The following ACTR3C variants were observed in gnomAD, a reference collection of about 807,000 sequenced individuals.
ACTR3C encodes actin related protein 3C, also known as actin-related protein 3C.
Under a neutral mutation model 26.3 loss-of-function variants are expected in ACTR3C, and 18 were observed. The observed-to-expected ratio is 0.68, with a 90% CI of 0.47 to 1.01. The LOEUF is 1.01. Ranked by LOEUF, ACTR3C falls within the 50% of genes least tolerant of loss-of-function variation. The pLI is 0.00. For missense variants in ACTR3C, 184 were observed against 250.7 expected (o/e 0.73, Z 1.80); for synonymous variants, 55 against 94.5 (o/e 0.58, Z 2.42).
the ACTR3C span, among the ~76,000 whole-genome samples, chr7:150,131,560 G>A: frequency 1.3e-5 from 2 of 152,148 alleles, no homozygotes; most frequent in East Asian, 3.9e-4. Context: ...CTGAATCTTA[G>A]CCAGGACAGG....
the ACTR3C span, among the ~76,000 whole-genome samples, chr7:149,964,221 T>G: frequency 2.0e-5 from 3 of 152,160 alleles, no homozygotes; most frequent in African/African-American, 7.2e-5. Flanking sequence ...AGCCAGATAG[T>G]CAGGGCCACC....
intron 1 of ACTR3C, among the ~76,000 whole-genome samples, chr7:150,297,669 T>C (rs150531511): frequency 6.6e-6 from 1 of 152,316 alleles, no homozygotes; most frequent in Non-Finnish European, 1.5e-5. Flanking sequence ...CTGGCCAACA[T>C]GGGGAAACCC....
At chr7:149,979,181 T>C in the ACTR3C span, among the ~76,000 whole-genome samples, 1 of 152,254 alleles carries the variant, frequency 6.6e-6, no homozygotes, top group Non-Finnish European at 1.5e-5. Flanking sequence ...GAATCTCTTC[T>C]AAGCTCAGGA....
At chr7:150,214,371 A>G in the ACTR3C span, among the ~76,000 whole-genome samples, 2 of 152,178 alleles carry the variant, frequency 1.3e-5, no homozygotes, top group African/African-American at 4.8e-5. Context: ...ATCCAAGCAG[A>G]AAATAGAAAT....
chr7:150,255,458 A>T (rs1249658193), intron 6 of ACTR3C, among the ~76,000 whole-genome samples: 1 of 152,084 alleles, frequency 6.6e-6, no homozygotes, highest in Non-Finnish European at 1.5e-5. Context: ...TGCTGTGTAT[A>T]CCTGGACTCA....
At chr7:150,297,120 C>T (rs1280130688) in intron 1 of ACTR3C, among the ~76,000 whole-genome samples, 12 of 149,912 alleles carry the variant, frequency 8.0e-5, no homozygotes, top group Non-Finnish European at 1.8e-4. Flanking sequence ...GCCTTCAACA[C>T]GGCTACATTT....
At chr7:150,208,834 T>A in the ACTR3C span, among the ~76,000 whole-genome samples, 8 of 152,282 alleles carry the variant, frequency 5.3e-5, no homozygotes, top group Middle Eastern at 3.4e-3. Flanking sequence ...CAATTGAAAT[T>A]GACCCAGAGC....
chr7:150,171,317 C>G, the ACTR3C span, among the ~76,000 whole-genome samples: 7 of 149,704 alleles, frequency 4.7e-5, no homozygotes, highest in Non-Finnish European at 1.0e-4. Flanking sequence ...ACAGCAAGAT[C>G]GCTGGAATAT....
At chr7:150,098,326 G>C in the ACTR3C span, among the ~76,000 whole-genome samples, 1 of 151,712 alleles carries the variant, frequency 6.6e-6, no homozygotes, top group South Asian at 2.1e-4. Context: ...GAGATATGTG[G>C]GATCAGGCCT....
chr7:149,889,532 T>G, the ACTR3C span, among the ~76,000 whole-genome samples: 1 of 152,168 alleles, frequency 6.6e-6, no homozygotes, highest in Non-Finnish European at 1.5e-5. Context: ...GTGAAAAATA[T>G]ACTTAGCCCC....
At chr7:150,096,653 A>C in the ACTR3C span, among the ~76,000 whole-genome samples, 1,664 of 151,922 alleles carry the variant, frequency 0.011, 43 homozygotes, top group African/African-American at 0.039. Context: ...GCTTAAGAGT[A>C]ATCTAAGCAT....
chr7:150,033,925 T>TC, the ACTR3C span, among the ~76,000 whole-genome samples: 41 of 116,186 alleles, frequency 3.5e-4, no homozygotes, highest in East Asian at 4.2e-3. Flanking sequence ...GAGGGGTGCC[T>TC]CCCCCCCTGC....
the ACTR3C span, among the ~76,000 whole-genome samples, chr7:150,132,684 T>C: frequency 6.6e-6 from 1 of 152,216 alleles, no homozygotes; most frequent in Non-Finnish European, 1.5e-5. Flanking sequence ...TCCCAGCCAC[T>C]GTGAAGAGCA....
the ACTR3C span, among the ~76,000 whole-genome samples, chr7:150,054,022 C>G: frequency 6.6e-6 from 1 of 152,332 alleles, no homozygotes; most frequent in East Asian, 1.9e-4. Flanking sequence ...ATCTCTTCTT[C>G]CAACAACACA....
At chr7:150,306,253 A>G (rs1395752085) in intron 1 of ACTR3C, among the ~76,000 whole-genome samples, 1 of 151,916 alleles carries the variant, frequency 6.6e-6, no homozygotes, top group Admixed American at 6.6e-5. Flanking sequence ...GCTAAATCAG[A>G]AGAGTCCCCT....
At chr7:150,107,703 G>A in the ACTR3C span, among the ~76,000 whole-genome samples, 1 of 151,564 alleles carries the variant, frequency 6.6e-6, no homozygotes, top group Non-Finnish European at 1.5e-5. Context: ...GGAAGGAGGA[G>A]GTAGGGGGAG....
chr7:150,227,688 G>GTTTTTTTTTTTTT, the ACTR3C span, among the ~76,000 whole-genome samples: 21 of 111,372 alleles, frequency 1.9e-4, 1 homozygote, highest in African/African-American at 7.3e-4. Context: ...TTGTGTCTGG[G>GTTTTTTTTTTTTT]TTTTTTTTTT....
At chr7:150,206,439 G>C in the ACTR3C span, among the ~76,000 whole-genome samples, 1 of 152,064 alleles carries the variant, frequency 6.6e-6, no homozygotes, top group African/African-American at 2.4e-5. Context: ...TTGAGATGGA[G>C]TTTCGCTCCT....
the ACTR3C span, among the ~76,000 whole-genome samples, chr7:150,203,366 T>G: frequency 1.3e-5 from 2 of 152,190 alleles, no homozygotes; most frequent in Non-Finnish European, 2.9e-5. Context: ...TTTTCCACTT[T>G]GGTGAGGCGA....
Sources: gnomAD v4.1 joint callset for allele counts (sites outside exome capture counted in the v4.1 genomes callset) on GRCh38, gnomAD v4.1.1 for gene constraint, MANE v1.5 for transcripts, NCBI Gene and HGNC (gene_info 2026-07-23, HGNC 2026-07-21) for gene names.